Variants in ABHD17B observed in about 807,000 individuals in gnomAD.
ABHD17B encodes abhydrolase domain containing 17B, depalmitoylase.
Under a neutral mutation model 26.2 loss-of-function variants are expected in ABHD17B, and 9 were observed. The ratio of observed to expected loss-of-function variants is 0.34; its 90% CI spans 0.21 to 0.60. The LOEUF (loss-of-function observed/expected upper bound fraction) is 0.60. Among genes scored for constraint, ABHD17B ranks in the 20% least tolerant of loss-of-function variants. The probability of loss-of-function intolerance (pLI) is 0.80; values close to 1 mark genes in which losing one functional copy is unlikely to be tolerated. For missense variants in ABHD17B, 224 were observed against 352.1 expected (o/e 0.64, Z 2.91); for synonymous variants, 127 against 122.3 (o/e 1.04, Z -0.25).
In ABHD17B at chr9:71,866,386, C is replaced by A. The variant is rs534669016; in HGVS notation, c.*401G>T. On this transcript the variant is annotated 3_prime_UTR_variant, in exon 4 of 4. Transcript: ENST00000333421. ...TACTTAAATTGCTTTAGATACATAG[C>A]TTTTTTCAAAATATTACAGTTGTAT... 1,108 of 984,750 alleles carry A rather than the reference C, an allele frequency of 1.1e-3. 34 individuals carry two copies. In the South Asian group the frequency reaches 0.042, roughly 37 times the overall value. The allele number at this position is 984,750 out of a possible 1,614,324, so 61.0% of individuals were successfully genotyped here.
intron 1 of ABHD17B, among the ~76,000 whole-genome samples, chr9:71,894,676 A>T (rs1826902763): frequency 6.6e-6 from 1 of 152,152 alleles, no homozygotes; most frequent in African/African-American, 2.4e-5. Flanking sequence ...TGGGCTTAAA[A>T]ATGTTCATTT....
chr9:71,886,602 C>T (rs1826619248), intron 1 of ABHD17B, among the ~76,000 whole-genome samples: 1 of 152,132 alleles, frequency 6.6e-6, no homozygotes, highest in Non-Finnish European at 1.5e-5. Context: ...TCACTGCACC[C>T]TCCGCCTCCC....
chr9:71,902,539 C>T (rs1827174674), intron 1 of ABHD17B: 1 of 150,580 alleles, frequency 6.6e-6, no homozygotes, highest in African/African-American at 2.4e-5. Flanking sequence ...TGTAAAGGGA[C>T]TGTGATCAGC....
intron 1 of ABHD17B, among the ~76,000 whole-genome samples, chr9:71,889,310 C>T (rs931067565): frequency 4.7e-5 from 4 of 85,358 alleles, no homozygotes; most frequent in African/African-American, 1.6e-4. Context: ...GTGCGAGACT[C>T]CGTCTAAAGA....
chr9:71,899,508 G>A (rs1409794948), intron 1 of ABHD17B, among the ~76,000 whole-genome samples: 1 of 152,174 alleles, frequency 6.6e-6, no homozygotes, highest in Admixed American at 6.5e-5. Context: ...AAATGGTCTT[G>A]AATACCCTTT....
At position 71,867,021 on chromosome 9, in the gene ABHD17B, G is replaced by C; in HGVS notation, c.648-15C>G. 1 of 1,612,418 alleles carries C rather than the reference G, an allele frequency of 6.2e-7. No homozygotes were observed. The highest frequency in any genetic ancestry group is 1.1e-5 in the South Asian group (1 of 91,000). ...TTTTGTCAATGCTGCAGGGAAAAAG[G>C]AAGGGGGAAAAATGCAATAAATTAA... is the stretch of plus-strand genomic sequence containing the variant. On this transcript the variant is annotated splice_polypyrimidine_tract_variant and intron_variant, in intron 3 of 3. Transcript: ENST00000333421.
At chr9:71,899,243 A>G (rs1334262961) in intron 1 of ABHD17B, among the ~76,000 whole-genome samples, 2 of 152,216 alleles carry the variant, frequency 1.3e-5, no homozygotes, top group East Asian at 3.8e-4. Flanking sequence ...CTGACAGAAC[A>G]ATGTTTCCAA....
At chr9:71,865,108 T>A, downstream of ABHD17B, 4 of 964,698 alleles carry the variant, frequency 4.1e-6, no homozygotes, top group Non-Finnish European at 4.9e-6. Context: ...TCACTCTTTC[T>A]AGTGTGGGGG....
In ABHD17B at chr9:71,866,728, T is replaced by C. The variant is rs1318851832; in HGVS notation, c.*59A>G. On this transcript the variant is annotated 3_prime_UTR_variant, in exon 4 of 4. Transcript: ENST00000333421. ...ACAAAACCTTCAGGTTTTATGTTATTTACCAAAGAGTGCAGTTCAGCAAGA... is the reference window on the plus strand; with the variant it reads ...ACAAAACCTTCAGGTTTTATGTTATCTACCAAAGAGTGCAGTTCAGCAAGA... 6.3e-7 allele frequency: 1 copy of C among 1,593,754 alleles called. No individual in the cohort carries two copies. Among genetic ancestry groups the C allele is most frequent in the Non-Finnish European group, 8.5e-7 (1 of 1,169,636 alleles).
intron 1 of ABHD17B, among the ~76,000 whole-genome samples, chr9:71,905,816 G>A (rs1314191708): frequency 6.6e-6 from 1 of 152,154 alleles, no homozygotes; most frequent in East Asian, 1.9e-4. Context: ...CGCCATGGTA[G>A]GCAGATCACT....
At position 71,865,219 on chromosome 9, in the gene ABHD17B, T is replaced by C. The variant is rs1457837076; in HGVS notation, c.*1568A>G. 1 of 985,468 alleles carries C rather than the reference T, an allele frequency of 1.0e-6. No homozygotes were observed. The highest frequency in any genetic ancestry group is 1.2e-6 in the Non-Finnish European group (1 of 829,838). 61.0% of individuals were successfully genotyped at this position (985,468 alleles called of 1,614,324 possible). A position where few individuals can be genotyped will look rare whatever the true frequency, so the allele number is the denominator to read the frequency against. ...GAACCAAAGCATTCACAATACTTGA[T>C]ATACTTTGAAGAGAGTCATATACTA... On this transcript the variant is annotated 3_prime_UTR_variant, in exon 4 of 4. Transcript: ENST00000333421.
In ABHD17B at chr9:71,874,832, A is replaced by T; in HGVS notation, c.249T>A (p.Phe83Leu). ...TSKGNRIACMFVRCSPNAKYT... is the reference protein window; with the variant it reads ...TSKGNRIACMLVRCSPNAKYT... Reference sequence around the variant, plus strand: ...ATTTCGCATTGGGTGAACAACGTACAAACATACAAGCAATTCTGTTGCCTT... The same window carrying T: ...ATTTCGCATTGGGTGAACAACGTACTAACATACAAGCAATTCTGTTGCCTT... The change falls in exon 2 of 4, where the codon TTT becomes TTA. Residue 83 changes from phenylalanine to leucine, a missense_variant. Coordinates refer to ENST00000333421, the MANE Select transcript of ABHD17B (RefSeq NM_001025780.3). 1 of 1,614,256 alleles carries T rather than the reference A, an allele frequency of 6.2e-7. No individual in the cohort carries two copies. The highest frequency in any genetic ancestry group is 8.5e-7 in the Non-Finnish European group (1 of 1,180,044).
chr9:71,895,039 T>C (rs1168727096), intron 1 of ABHD17B, among the ~76,000 whole-genome samples: 1 of 152,220 alleles, frequency 6.6e-6, no homozygotes, highest in African/African-American at 2.4e-5. Context: ...GAGCTGAATT[T>C]TGTCAAAACA....
chr9:71,871,217 A>G (rs1003784948), intron 2 of ABHD17B, among the ~76,000 whole-genome samples: 7 of 152,214 alleles, frequency 4.6e-5, no homozygotes, highest in African/African-American at 1.7e-4. Flanking sequence ...AAGGTAAAAT[A>G]TCTTTCTAAG....
intron 1 of ABHD17B, among the ~76,000 whole-genome samples, chr9:71,910,201 C>G (rs532621060): frequency 6.6e-6 from 1 of 152,128 alleles, no homozygotes; most frequent in South Asian, 2.1e-4. Flanking sequence ...TTTAGGCACC[C>G]GCGAATCTCT....
intron 1 of ABHD17B, among the ~76,000 whole-genome samples, chr9:71,900,475 C>T: frequency 6.6e-6 from 1 of 151,566 alleles, no homozygotes; most frequent in East Asian, 2.0e-4. Context: ...TAGGGTGAAA[C>T]CCCGTCTCTA....
intron 1 of ABHD17B, among the ~76,000 whole-genome samples, chr9:71,891,785 G>A (rs190706757): frequency 1.3e-3 from 198 of 152,282 alleles, no homozygotes; most frequent in Non-Finnish European, 2.5e-3. Flanking sequence ...TGTCTATAGG[G>A]CAAACAAGTA....
intron 1 of ABHD17B, among the ~76,000 whole-genome samples, chr9:71,882,473 A>G (rs1024516854): frequency 2.6e-5 from 4 of 152,144 alleles, no homozygotes; most frequent in Non-Finnish European, 5.9e-5. Flanking sequence ...AGCCTGGCCA[A>G]CATGGTGAAA....
rs1825955514 is a variant in ABHD17B, at chr9:71,866,395, A to G, written c.*392T>C. On this transcript the variant is annotated 3_prime_UTR_variant, in exon 4 of 4. Coordinates refer to ENST00000333421, the MANE Select transcript of ABHD17B (RefSeq NM_001025780.3). ...TGCTTTAGATACATAGCTTTTTTCA[A>G]AATATTACAGTTGTATTCCAGGATA... is the stretch of plus-strand genomic sequence containing the variant. 1.0e-6 allele frequency: 1 copy of G among 984,812 alleles called. No homozygotes were observed. Among genetic ancestry groups the G allele is most frequent in the African/African-American group, 1.8e-5 (1 of 57,096 alleles). The allele number at this position is 984,812 out of a possible 1,614,324, so 61.0% of individuals were successfully genotyped here.
Sources: allele counts gnomAD v4.1 joint callset (sites outside exome capture counted in the v4.1 genomes callset), GRCh38; gene constraint gnomAD v4.1.1; transcripts MANE v1.5; gene names NCBI Gene and HGNC (gene_info 2026-07-23, HGNC 2026-07-21).